Variants in PARD3 observed in about 807,000 individuals in gnomAD.
PARD3 encodes par-3 family cell polarity regulator.
PARD3 carries 75 observed loss-of-function variants against 155.4 expected under a neutral mutation model. The ratio of observed to expected loss-of-function variants is 0.48; its 90% CI spans 0.40 to 0.58. The LOEUF is 0.58. Ranked by LOEUF, PARD3 falls within the 20% of genes least tolerant of loss-of-function variation. The pLI is 0.00. For missense variants in PARD3, 1,642 were observed against 1,721.7 expected (o/e 0.95, Z 0.82); for synonymous variants, 576 against 610.5 (o/e 0.94, Z 0.83).
chr10:34,265,812 C>T (rs1588989799), intron 22 of PARD3, among the ~76,000 whole-genome samples: 3 of 152,154 alleles, frequency 2.0e-5, no homozygotes, highest in South Asian at 2.1e-4. Context: ...ACAACAGAAG[C>T]GGGCTGAACT....
Position 34,432,041 on chromosome 10 carries a change from C to CAAAAAAAAAAAAAAAAAAAAA in PARD3, c.714+18255_714+18275dup, listed in dbSNP as rs142848273. Reference sequence around the variant, plus strand: ...TGGGCTACAGAGTGAGACTCTGTCTCAAAAAAAAAAAAAAAAAAAAAAAAA... The same window carrying CAAAAAAAAAAAAAAAAAAAAA: ...TGGGCTACAGAGTGAGACTCTGTCTCAAAAAAAAAAAAAAAAAAAAAAAAAAAAAAAAAAAAAAAAAAAAAA... On this transcript the variant is annotated intron_variant, in intron 5 of 24. Transcript: ENST00000374788. 2.8e-4 allele frequency among the ~76,000 whole-genome samples: 6 copies of CAAAAAAAAAAAAAAAAAAAAA among 21,590 alleles called. 1 individual carries two copies. The highest frequency in any genetic ancestry group is 4.9e-4 in the African/African-American group (4 of 8,232). The allele number at this position is 21,590 out of a possible 152,430, so 14.2% of individuals were successfully genotyped here. A position where few individuals can be genotyped will look rare whatever the true frequency, so the allele number is the denominator to read the frequency against.
intron 2 of PARD3, among the ~76,000 whole-genome samples, chr10:34,537,949 G>C (rs2133856223): frequency 6.6e-6 from 1 of 152,296 alleles, no homozygotes; most frequent in Non-Finnish European, 1.5e-5. Flanking sequence ...AAACTGACCT[G>C]ATTCAGTACT....
intron 22 of PARD3, among the ~76,000 whole-genome samples, chr10:34,144,693 C>G (rs1456105404): frequency 2.0e-5 from 3 of 152,174 alleles, no homozygotes; most frequent in Admixed American, 6.5e-5. Flanking sequence ...CATTAGCTCT[C>G]TTACACTCAA....
intron 5 of PARD3, among the ~76,000 whole-genome samples, chr10:34,417,473 T>A (rs1845781559): frequency 6.6e-6 from 1 of 152,144 alleles, no homozygotes; most frequent in African/African-American, 2.4e-5. Context: ...CCACCAACAT[T>A]GTGTCTCCTC....
intron 1 of PARD3, among the ~76,000 whole-genome samples, chr10:34,739,465 T>C (rs1297420699): frequency 6.6e-6 from 1 of 152,222 alleles, no homozygotes; most frequent in Non-Finnish European, 1.5e-5. Flanking sequence ...AGCGTCCACC[T>C]GACTTATATT....
At chr10:34,506,900 C>T (rs1564790271) in intron 3 of PARD3, among the ~76,000 whole-genome samples, 1 of 152,172 alleles carries the variant, frequency 6.6e-6, no homozygotes, top group Non-Finnish European at 1.5e-5. Flanking sequence ...CTCTGGAACA[C>T]ACAAGTTGAT....
intron 2 of PARD3, among the ~76,000 whole-genome samples, chr10:34,640,685 G>A (rs775778229): frequency 1.1e-5 from 1 of 92,658 alleles, no homozygotes; most frequent in African/African-American, 3.9e-5. Context: ...CTCCAGCTTG[G>A]ACAACAGAGT....
chr10:34,241,506 G>A (rs577788893), intron 22 of PARD3, among the ~76,000 whole-genome samples: 27 of 152,162 alleles, frequency 1.8e-4, no homozygotes, highest in African/African-American at 6.5e-4. Context: ...TCCATAAAAA[G>A]AGAAAAAAGG....
chr10:34,667,826 G>A (rs1339748941), intron 2 of PARD3, among the ~76,000 whole-genome samples: 1 of 152,182 alleles, frequency 6.6e-6, no homozygotes, highest in Non-Finnish European at 1.5e-5. Context: ...ATATTGTGAT[G>A]ACATTATTAA....
chr10:34,349,753 GAC>G (rs1837840033), intron 14 of PARD3, among the ~76,000 whole-genome samples: 1 of 151,978 alleles, frequency 6.6e-6, no homozygotes, highest in Admixed American at 6.5e-5. Context: ...TTTATCAAAA[GAC>G]AGACAACATA....
chr10:34,249,956 C>T (rs1024818599), intron 22 of PARD3, among the ~76,000 whole-genome samples: 8 of 152,148 alleles, frequency 5.3e-5, no homozygotes, highest in Admixed American at 2.0e-4. Flanking sequence ...GCATGGATAG[C>T]AATCTCATCT....
chr10:34,327,874 C>T (rs1232801006), intron 19 of PARD3, among the ~76,000 whole-genome samples: 1 of 152,090 alleles, frequency 6.6e-6, no homozygotes, highest in Non-Finnish European at 1.5e-5. Flanking sequence ...CCACTTAGCA[C>T]AGACAATAGA....
chr10:34,437,851 A>T (rs1444967159), intron 5 of PARD3, among the ~76,000 whole-genome samples: 1 of 152,248 alleles, frequency 6.6e-6, no homozygotes, highest in Non-Finnish European at 1.5e-5. Context: ...TTAGTTATAT[A>T]AACATGAAGA....
At chr10:34,644,961 C>A (rs1447243051) in intron 2 of PARD3, among the ~76,000 whole-genome samples, 2 of 152,136 alleles carry the variant, frequency 1.3e-5, no homozygotes, top group African/African-American at 4.8e-5. Context: ...TCAAGCAATC[C>A]TTCTGCATCA....
rs1051279564 is a variant in PARD3 at position 34,443,129 on chromosome 10, T to G, written c.714+7188A>C. The stretch of plus-strand genomic sequence containing the variant: ...ATCATCCCAGACACCCACCATTTTA[T>G]AAGAACAAGCTAAAACCTAGGCAAA... On this transcript the variant is annotated intron_variant, in intron 5 of 24. Transcript: ENST00000374788. 2.6e-5 allele frequency among the ~76,000 whole-genome samples: 4 copies of G among 152,114 alleles called. No individual in the cohort carries two copies. The East Asian group carries it at 7.7e-4, about 29-fold the overall frequency.
chr10:34,553,510 C>G (rs746416603), intron 2 of PARD3, among the ~76,000 whole-genome samples: 1 of 152,096 alleles, frequency 6.6e-6, no homozygotes, highest in Admixed American at 6.5e-5. Flanking sequence ...CAAAACCACA[C>G]AGAGGGAAAA....
intron 12 of PARD3, among the ~76,000 whole-genome samples, chr10:34,362,980 C>T (rs562869254): frequency 2.6e-5 from 4 of 152,296 alleles, no homozygotes; most frequent in African/African-American, 9.6e-5. Flanking sequence ...TCAATCAGTA[C>T]TTATAAGCAT....
chr10:34,629,823 T>C (rs971429721), intron 2 of PARD3, among the ~76,000 whole-genome samples: 1 of 152,232 alleles, frequency 6.6e-6, no homozygotes, highest in Non-Finnish European at 1.5e-5. Flanking sequence ...GGATAATCTG[T>C]CATTTTCTGT....
intron 1 of PARD3, among the ~76,000 whole-genome samples, chr10:34,736,667 T>A (rs966873829): frequency 2.0e-5 from 3 of 150,554 alleles, no homozygotes; most frequent in African/African-American, 7.4e-5. Flanking sequence ...TATTTATTTA[T>A]TTATTTATTT....
Sources: gnomAD v4.1 joint callset for allele counts (sites outside exome capture counted in the v4.1 genomes callset) on GRCh38, gnomAD v4.1.1 for gene constraint, MANE v1.5 for transcripts, NCBI Gene and HGNC (gene_info 2026-07-23, HGNC 2026-07-21) for gene names.